The following ABCB11 variants were observed in gnomAD, a reference collection of about 807,000 sequenced individuals.
ABCB11 encodes ATP binding cassette subfamily B member 11.
ABCB11 carries 95 observed loss-of-function variants against 148.0 expected under a neutral mutation model. That is an observed-to-expected ratio of 0.64 (90% CI 0.54 to 0.76). The LOEUF (loss-of-function observed/expected upper bound fraction) is 0.76, where lower values mean the gene tolerates loss of function less well. ABCB11 is among the 30% of genes least tolerant of loss of function. ABCB11 has a pLI of 0.00. For missense variants in ABCB11, 1,523 were observed against 1,617.8 expected (o/e 0.94, Z 1.01); for synonymous variants, 591 against 555.4 (o/e 1.06, Z -0.90).
chr2:169,027,075 AAC>A (rs1695721986), intron 1 of ABCB11, among the ~76,000 whole-genome samples: 2 of 152,234 alleles, frequency 1.3e-5, no homozygotes, highest in South Asian at 4.1e-4. Context: ...TACTTAAACT[AAC>A]ACAAGAAAAC....
At chr2:169,002,411 A>C (rs1205283971) in intron 5 of ABCB11, among the ~76,000 whole-genome samples, 1 of 152,202 alleles carries the variant, frequency 6.6e-6, no homozygotes, top group Non-Finnish European at 1.5e-5. Flanking sequence ...AAAAGTTAGA[A>C]ATAGAACTGC....
chr2:169,016,862 C>A, intron 2 of ABCB11, 63 bp from the exon 3 acceptor site: 1 of 1,296,862 alleles, frequency 7.7e-7, no homozygotes, highest in South Asian at 1.4e-5. Context: ...GCAACGCAGT[C>A]ATTAAGAAAT....
At chr2:168,963,931 G>A (rs989596526) in intron 18 of ABCB11, among the ~76,000 whole-genome samples, 17 of 151,804 alleles carry the variant, frequency 1.1e-4, no homozygotes, top group African/African-American at 3.9e-4. Flanking sequence ...CACACATTCT[G>A]TGTTTGTTAG....
At chr2:168,927,850 T>C (rs1418661819) in intron 25 of ABCB11, among the ~76,000 whole-genome samples, 1 of 152,228 alleles carries the variant, frequency 6.6e-6, no homozygotes, top group East Asian at 1.9e-4. Context: ...GGAATACATT[T>C]ATTCACTTAG....
intron 25 of ABCB11, among the ~76,000 whole-genome samples, chr2:168,928,896 A>G (rs1399055250): frequency 6.6e-6 from 1 of 152,196 alleles, no homozygotes; most frequent in Non-Finnish European, 1.5e-5. Context: ...ATTATAGGCA[A>G]TCAATACTTA....
chr2:168,967,136 T>C (rs1358829776), intron 17 of ABCB11, among the ~76,000 whole-genome samples: 1 of 151,970 alleles, frequency 6.6e-6, no homozygotes, highest in Non-Finnish European at 1.5e-5. Context: ...AGTTAGTTGA[T>C]ATTTTCAGGT....
Position 168,958,141 on chromosome 2 carries a change from G to C in ABCB11, c.2179-13C>G, listed in dbSNP as rs765145609. On this transcript the variant is annotated splice_polypyrimidine_tract_variant and intron_variant, in intron 18 of 27. Coordinates refer to ENST00000650372, the MANE Select transcript of ABCB11 (RefSeq NM_003742.4). ...GAATGTCCTTGTCCTTGAGCAGAGA[G>C]AGGGTTATATTAATCATCTAAATGT... is the stretch of plus-strand genomic sequence containing the variant. The C allele has an allele frequency of 5.0e-6, 8 of 1,609,546 alleles. No homozygotes were observed. The South Asian group carries it at 7.7e-5, about 15-fold the overall frequency.
intron 18 of ABCB11, among the ~76,000 whole-genome samples, chr2:168,960,247 G>A (rs1373304023): frequency 6.6e-6 from 1 of 151,662 alleles, no homozygotes; most frequent in Admixed American, 6.6e-5. Context: ...TTCAGTATGT[G>A]AGAACTCCAA....
At chr2:168,959,149 A>C (rs1327575765) in intron 18 of ABCB11, among the ~76,000 whole-genome samples, 1 of 151,696 alleles carries the variant, frequency 6.6e-6, no homozygotes, top group Non-Finnish European at 1.5e-5. Flanking sequence ...ATTTTAAATG[A>C]AAGTCTGTGT....
intron 13 of ABCB11, among the ~76,000 whole-genome samples, chr2:168,972,709 T>C (rs74899111): frequency 0.026 from 3,962 of 152,104 alleles, 157 homozygotes; most frequent in African/African-American, 0.091. Context: ...ACTATATGCA[T>C]GATAGAGAAC....
At chr2:168,998,871 A>G (rs1281214527) in intron 5 of ABCB11, among the ~76,000 whole-genome samples, 1 of 152,106 alleles carries the variant, frequency 6.6e-6, no homozygotes, top group Non-Finnish European at 1.5e-5. Context: ...TATTCTGGGA[A>G]GAAGAGGTGA....
At chr2:168,996,788 T>C (rs1348863194) in intron 5 of ABCB11, 66 bp from the exon 6 acceptor site, 19 of 814,346 alleles carry the variant, frequency 2.3e-5, no homozygotes, top group Non-Finnish European at 3.5e-5. Flanking sequence ...ATTACATTTG[T>C]GGATATAGAG....
intron 5 of ABCB11, among the ~76,000 whole-genome samples, chr2:169,005,918 C>T (rs1455988601): frequency 1.3e-5 from 2 of 152,060 alleles, no homozygotes; most frequent in Non-Finnish European, 2.9e-5. Flanking sequence ...CAATCAAAAA[C>T]TTTCAACAAC....
At chr2:169,030,103 G>A (rs1356318778) in intron 1 of ABCB11, among the ~76,000 whole-genome samples, 2 of 152,188 alleles carry the variant, frequency 1.3e-5, no homozygotes, top group Non-Finnish European at 2.9e-5. Context: ...TGAAACTTGG[G>A]CATTTTATGG....
At chr2:168,940,784 G>A (rs552164709) in intron 21 of ABCB11, among the ~76,000 whole-genome samples, 1 of 152,152 alleles carries the variant, frequency 6.6e-6, no homozygotes, top group Admixed American at 6.5e-5. Context: ...TGACTCTCTT[G>A]TTAGGGGATA....
At chr2:168,999,278 CCTTTT>C (rs1238082761) in intron 5 of ABCB11, among the ~76,000 whole-genome samples, 2 of 149,024 alleles carry the variant, frequency 1.3e-5, no homozygotes, top group Non-Finnish European at 3.0e-5. Flanking sequence ...AAACTTTTTA[CCTTTT>C]TTTTTTTCAT....
At chr2:169,003,672 G>GTT (rs565467256) in intron 5 of ABCB11, among the ~76,000 whole-genome samples, 7 of 152,104 alleles carry the variant, frequency 4.6e-5, no homozygotes, top group African/African-American at 1.4e-4. Context: ...ATCACACACT[G>GTT]TTTTCCATAG....
intron 18 of ABCB11, 144 bp from the exon 19 acceptor site, chr2:168,958,272 A>AT: frequency 1.4e-6 from 1 of 723,446 alleles, no homozygotes; most frequent in Non-Finnish European, 2.2e-6. Context: ...GTTGTTTGTT[A>AT]TTTTTTGAGG....
chr2:168,975,506 G>T (rs868227077), intron 12 of ABCB11, among the ~76,000 whole-genome samples: 6 of 61,970 alleles, frequency 9.7e-5, no homozygotes, highest in East Asian at 3.8e-4. Flanking sequence ...TATATTTATA[G>T]ATAAATATAT....
Sources: allele counts gnomAD v4.1 joint callset (sites outside exome capture counted in the v4.1 genomes callset), GRCh38; gene constraint gnomAD v4.1.1; transcripts MANE v1.5; gene names NCBI Gene and HGNC (gene_info 2026-07-23, HGNC 2026-07-21).